The following IPO11 variants were observed in gnomAD, a reference collection of about 807,000 sequenced individuals.
IPO11 encodes importin 11.
A neutral mutation model predicts 143.2 loss-of-function variants in IPO11; 66 were observed. That is an observed-to-expected ratio of 0.46 (90% CI 0.38 to 0.57). IPO11 has a LOEUF of 0.57. Ranked by LOEUF, IPO11 falls within the 20% of genes least tolerant of loss-of-function variation. IPO11 has a pLI of 0.00. For synonymous variants in IPO11, 385 were observed against 377.8 expected, an observed-to-expected ratio of 1.02 and a Z score of -0.22; for missense variants, 1,026 against 1,141.0, an observed-to-expected ratio of 0.90 and a Z score of 1.45.
chr5:62,568,386 T>C (rs1334422083), intron 27 of IPO11, among the ~76,000 whole-genome samples: 1 of 151,438 alleles, frequency 6.6e-6, no homozygotes, highest in African/African-American at 2.4e-5. Context: ...TCAACTCTAG[T>C]ATTTCCGTTT....
At chr5:62,527,715 T>C (rs1174660202) in intron 21 of IPO11, among the ~76,000 whole-genome samples, 2 of 152,218 alleles carry the variant, frequency 1.3e-5, no homozygotes, top group Non-Finnish European at 2.9e-5. Context: ...TAATGTTTTT[T>C]CCTAGCTTTT....
At chr5:62,544,260 C>G (rs985821316) in intron 24 of IPO11, among the ~76,000 whole-genome samples, 20 of 152,092 alleles carry the variant, frequency 1.3e-4, no homozygotes, top group Non-Finnish European at 5.9e-5. Context: ...CCACCATGAT[C>G]AAGTGGGCTT....
At chr5:62,439,607 A>G (rs1373181853) in intron 2 of IPO11, among the ~76,000 whole-genome samples, 1 of 149,610 alleles carries the variant, frequency 6.7e-6, no homozygotes, top group African/African-American at 2.5e-5. Flanking sequence ...TTTTTTTTTA[A>G]GTAGAGACAG....
chr5:62,457,413 G>A (rs892267997), intron 5 of IPO11, among the ~76,000 whole-genome samples: 4 of 152,130 alleles, frequency 2.6e-5, no homozygotes, highest in Non-Finnish European at 5.9e-5. Context: ...AAGCCTAGGA[G>A]TTTGAGGCTG....
intron 5 of IPO11, 139 bp from the exon 6 acceptor site, chr5:62,466,992 A>G (rs1745595603): frequency 5.1e-6 from 4 of 787,466 alleles, no homozygotes; most frequent in Admixed American, 6.6e-5. Flanking sequence ...AAACATTGCC[A>G]CAAATATTCT....
chr5:62,418,967 C>T (rs530012406), intron 1 of IPO11: 19 of 1,533,308 alleles, frequency 1.2e-5, no homozygotes, highest in Middle Eastern at 1.7e-4. Flanking sequence ...AGAAATGGGT[C>T]GTTAGGCAAT....
chr5:62,569,475 A>AT (rs1744065264), intron 27 of IPO11, among the ~76,000 whole-genome samples: 1 of 152,072 alleles, frequency 6.6e-6, no homozygotes, highest in South Asian at 2.1e-4. Context: ...GTTTTGCCAT[A>AT]TTGCTCTGCC....
At chr5:62,499,397 A>T (rs1473067368) in intron 16 of IPO11, among the ~76,000 whole-genome samples, 1 of 152,226 alleles carries the variant, frequency 6.6e-6, no homozygotes, top group African/African-American at 2.4e-5. Context: ...TAGCGCTTGC[A>T]GGCTTGGATG....
intron 9 of IPO11, among the ~76,000 whole-genome samples, chr5:62,477,612 G>A (rs897150671): frequency 2.0e-5 from 3 of 152,142 alleles, no homozygotes; most frequent in Non-Finnish European, 1.5e-5. Context: ...ACAAAGCAAA[G>A]TAAAACAGGA....
intron 1 of IPO11, among the ~76,000 whole-genome samples, chr5:62,416,182 CTTTTTTT>C (rs869236693): frequency 1.6e-4 from 20 of 123,480 alleles, no homozygotes; most frequent in African/African-American, 5.0e-4. Context: ...TTTTTCTTTT[CTTTTTTT>C]TTTTTTTTTT....
chr5:62,576,888 G>A (rs897102334), intron 27 of IPO11, among the ~76,000 whole-genome samples: 1 of 152,204 alleles, frequency 6.6e-6, no homozygotes, highest in Admixed American at 6.5e-5. Context: ...GAATCTGAAT[G>A]GAAAAGAGAA....
At chr5:62,457,428 G>C (rs1020344367) in intron 5 of IPO11, among the ~76,000 whole-genome samples, 2 of 152,140 alleles carry the variant, frequency 1.3e-5, no homozygotes, top group Non-Finnish European at 2.9e-5. Flanking sequence ...AGGCTGTAGT[G>C]ATATATGATT....
At chr5:62,611,076 T>C (rs1745911411) in intron 29 of IPO11, among the ~76,000 whole-genome samples, 1 of 152,170 alleles carries the variant, frequency 6.6e-6, no homozygotes, top group African/African-American at 2.4e-5. Context: ...CACTGAAACA[T>C]ACAAAAAGCC....
At position 62,516,256 on chromosome 5, in the gene IPO11, T is replaced by C. The variant is rs746089992; in HGVS notation, c.1896+755T>C. Among the ~76,000 whole-genome samples the C allele has an allele frequency of 2.0e-4, 31 of 152,190 alleles. 1 individual carries two copies. The highest frequency in any genetic ancestry group is 2.0e-3 in the Admixed American group (30 of 15,280). ...AACTTTTCTCAGAAGCTTTGATACT[T>C]TTTTGAACATGAGCTCATTCTTTCC... On this transcript the variant is annotated intron_variant, in intron 20 of 29. Coordinates refer to ENST00000325324, the MANE Select transcript of IPO11 (RefSeq NM_016338.5).
intron 20 of IPO11, among the ~76,000 whole-genome samples, chr5:62,524,870 G>A (rs1478336365): frequency 1.3e-5 from 2 of 152,108 alleles, no homozygotes; most frequent in African/African-American, 2.4e-5. Flanking sequence ...TACTTCTTAG[G>A]TGAGGAGGTA....
chr5:62,470,108 C>G, intron 6 of IPO11, 142 bp from the exon 7 acceptor site: 1 of 706,348 alleles, frequency 1.4e-6, no homozygotes, highest in Non-Finnish European at 2.5e-6. Flanking sequence ...CACTAATTTC[C>G]CAGCCAAATG....
At chr5:62,531,585 C>G (rs983026671) in intron 22 of IPO11, among the ~76,000 whole-genome samples, 14 of 152,076 alleles carry the variant, frequency 9.2e-5, no homozygotes, top group African/African-American at 3.4e-4. Context: ...GCCTTGGCCT[C>G]CCAAAGCGCT....
At chr5:62,528,513 C>T (rs1393560054) in intron 21 of IPO11, among the ~76,000 whole-genome samples, 1 of 151,892 alleles carries the variant, frequency 6.6e-6, no homozygotes. Context: ...ATGGGTGAGG[C>T]TGGATTGAGA....
chr5:62,624,742 T>G (rs571866877), intron 29 of IPO11, among the ~76,000 whole-genome samples: 49 of 152,200 alleles, frequency 3.2e-4, no homozygotes, highest in African/African-American at 1.1e-3. Context: ...CCCAGCACTT[T>G]GGGAGGCTGA....
Sources: gnomAD v4.1 joint callset for allele counts (sites outside exome capture counted in the v4.1 genomes callset) on GRCh38, gnomAD v4.1.1 for gene constraint, MANE v1.5 for transcripts, NCBI Gene and HGNC (gene_info 2026-07-23, HGNC 2026-07-21) for gene names.